NTM: variants seen among roughly 807,000 people sequenced by gnomAD.
The protein encoded by NTM is IgLON family member 2.
Under a neutral mutation model 42.1 loss-of-function variants are expected in NTM, and 13 were observed. The observed-to-expected ratio is 0.31, with a 90% CI of 0.20 to 0.49. The LOEUF (loss-of-function observed/expected upper bound fraction) is 0.49, where lower values mean the gene tolerates loss of function less well. NTM is among the 20% of genes least tolerant of loss of function. The probability of loss-of-function intolerance (pLI) is 0.99; values close to 1 mark genes in which losing one functional copy is unlikely to be tolerated. For synonymous variants in NTM, 187 were observed against 179.2 expected, an observed-to-expected ratio of 1.04 and a Z score of -0.35; for missense variants, 373 against 452.8, an observed-to-expected ratio of 0.82 and a Z score of 1.60.
At chr11:131,404,377 C>A (rs746636792) in intron 1 of NTM, among the ~76,000 whole-genome samples, 1 of 152,184 alleles carries the variant, frequency 6.6e-6, no homozygotes, top group African/African-American at 2.4e-5. Flanking sequence ...TCCCTGGCAT[C>A]GCGCCGTCCT....
At chr11:131,996,825 C>T (rs558925411) in intron 2 of NTM, among the ~76,000 whole-genome samples, 1 of 152,244 alleles carries the variant, frequency 6.6e-6, no homozygotes, top group South Asian at 2.1e-4. Context: ...TTATGCTCTG[C>T]CAGGACTCTC....
chr11:132,044,130 ATGTG>A (rs1243299894), intron 2 of NTM, among the ~76,000 whole-genome samples: 1 of 63,178 alleles, frequency 1.6e-5, no homozygotes, highest in Non-Finnish European at 2.9e-5. Flanking sequence ...GTGTGTATAT[ATGTG>A]TGTGTGTATG....
chr11:131,701,300 A>G (rs1475749316), intron 1 of NTM, among the ~76,000 whole-genome samples: 1 of 152,198 alleles, frequency 6.6e-6, no homozygotes, highest in Admixed American at 6.5e-5. Flanking sequence ...CCACAGGGCC[A>G]TTGCCAGGAA....
At chr11:131,472,281 T>C (rs907901347) in intron 1 of NTM, among the ~76,000 whole-genome samples, 1 of 152,144 alleles carries the variant, frequency 6.6e-6, no homozygotes, top group African/African-American at 2.4e-5. Flanking sequence ...CTGGAAGGGC[T>C]CTCCGGTACC....
At chr11:132,091,115 G>T (rs1329921547) in intron 2 of NTM, among the ~76,000 whole-genome samples, 1 of 152,110 alleles carries the variant, frequency 6.6e-6, no homozygotes. Context: ...TCTGGACATG[G>T]TGAGAAACCC....
intron 2 of NTM, among the ~76,000 whole-genome samples, chr11:131,989,168 A>G (rs57575548): frequency 6.6e-6 from 1 of 152,320 alleles, no homozygotes; most frequent in East Asian, 1.9e-4. Context: ...CTTTGAGGAT[A>G]GTTCTTTGTT....
chr11:131,425,153 A>T (rs914312441), intron 1 of NTM, among the ~76,000 whole-genome samples: 1 of 152,112 alleles, frequency 6.6e-6, no homozygotes, highest in Non-Finnish European at 1.5e-5. Context: ...AAGTGCTGAG[A>T]TTACAGGTGT....
chr11:131,590,487 A>G (rs2059267176), intron 1 of NTM, among the ~76,000 whole-genome samples: 1 of 152,224 alleles, frequency 6.6e-6, no homozygotes, highest in Non-Finnish European at 1.5e-5. Context: ...AGATAGGGCC[A>G]GAGGAAGTGC....
intron 4 of NTM, among the ~76,000 whole-genome samples, chr11:132,266,238 A>G (rs2093176565): frequency 6.6e-6 from 1 of 152,130 alleles, no homozygotes; most frequent in South Asian, 2.1e-4. Context: ...AGCAAGGGGC[A>G]TTAACTCTCC....
chr11:131,606,229 T>A (rs540677309), intron 1 of NTM, among the ~76,000 whole-genome samples: 20 of 152,084 alleles, frequency 1.3e-4, no homozygotes, highest in Non-Finnish European at 2.8e-4. Flanking sequence ...TTTAAAAAAA[T>A]TTGTTTTGTA....
chr11:132,004,626 T>TCACACACA (rs1229745116), intron 2 of NTM, among the ~76,000 whole-genome samples: 2 of 150,176 alleles, frequency 1.3e-5, no homozygotes, highest in African/African-American at 5.0e-5. Context: ...TCTCTCTCTC[T>TCACACACA]CTCTCTCTCA....
At chr11:132,287,307 T>G (rs1197373448) in intron 4 of NTM, among the ~76,000 whole-genome samples, 2 of 152,204 alleles carry the variant, frequency 1.3e-5, no homozygotes, top group African/African-American at 4.8e-5. Flanking sequence ...AAACGCTTAT[T>G]TTTCATTATG....
At chr11:131,497,422 C>G (rs984949658) in intron 1 of NTM, among the ~76,000 whole-genome samples, 1 of 152,058 alleles carries the variant, frequency 6.6e-6, no homozygotes, top group East Asian at 1.9e-4. Flanking sequence ...CTCCTGACCT[C>G]GTGATCTGCC....
intron 2 of NTM, among the ~76,000 whole-genome samples, chr11:132,017,515 C>G (rs2073626633): frequency 6.6e-6 from 1 of 151,956 alleles, no homozygotes; most frequent in South Asian, 2.1e-4. Context: ...TGTTATTGAT[C>G]TAAATTTCTA....
At chr11:131,733,377 C>T (rs2079942509) in intron 1 of NTM, among the ~76,000 whole-genome samples, 1 of 152,118 alleles carries the variant, frequency 6.6e-6, no homozygotes, top group South Asian at 2.1e-4. Context: ...TGTTCATTTC[C>T]TGGATTTTCC....
chr11:131,426,644 G>A (rs550437443), intron 1 of NTM, among the ~76,000 whole-genome samples: 1 of 152,254 alleles, frequency 6.6e-6, no homozygotes, highest in South Asian at 2.1e-4. Flanking sequence ...AGGACCCAAA[G>A]GCCAGAGACC....
At chr11:131,506,751 C>G (rs902757364) in intron 1 of NTM, among the ~76,000 whole-genome samples, 1 of 152,190 alleles carries the variant, frequency 6.6e-6, no homozygotes, top group Non-Finnish European at 1.5e-5. Flanking sequence ...ACTTCCTCTC[C>G]TTTTGCAGTT....
chr11:132,100,648 C>T (rs1283185708), intron 2 of NTM, among the ~76,000 whole-genome samples: 1 of 152,222 alleles, frequency 6.6e-6, no homozygotes, highest in Non-Finnish European at 1.5e-5. Context: ...CAACTTTCTA[C>T]AGCAAGGTAT....
chr11:132,145,183 T>C (rs7937053), intron 2 of NTM, among the ~76,000 whole-genome samples: 55,146 of 152,128 alleles, frequency 0.36, 10,659 homozygotes, highest in Non-Finnish European at 0.43. Context: ...CTCTCATTCC[T>C]TGGACAAGTC....
Sources: allele counts gnomAD v4.1 joint callset (sites outside exome capture counted in the v4.1 genomes callset), GRCh38; gene constraint gnomAD v4.1.1; transcripts MANE v1.5; gene names NCBI Gene and HGNC (gene_info 2026-07-23, HGNC 2026-07-21).